The following ST3GAL4 variants were observed in gnomAD, a reference collection of about 807,000 sequenced individuals.
ST3GAL4 encodes CMP-N-acetylneuraminate-beta-galactosamide-alpha-2,3-sialyltransferase 4.
In ST3GAL4, 24 loss-of-function variants were observed where a neutral mutation model predicts 42.6. The observed-to-expected ratio is 0.56, with a 90% CI of 0.41 to 0.79. The LOEUF (loss-of-function observed/expected upper bound fraction) is 0.79. Among genes scored for constraint, ST3GAL4 ranks in the 30% least tolerant of loss-of-function variants. ST3GAL4 has a pLI of 0.00. For synonymous variants in ST3GAL4, 135 were observed against 163.2 expected (o/e 0.83, Z 1.32); for missense variants, 311 against 430.8 (o/e 0.72, Z 2.46).
rs146212978 is a variant in ST3GAL4, at chr11:126,402,091, A to AGGCGG, written c.-60-4005_-60-4004insGGCGG. Among the ~76,000 whole-genome samples the AGGCGG allele has an allele frequency of 1.9e-4, 25 of 131,744 alleles. No individual in the cohort carries two copies. In the East Asian group the frequency reaches 4.7e-3, roughly 25 times the overall value. The allele number at this position is 131,744 out of a possible 152,430, so 86.4% of individuals were successfully genotyped here. ...TGTCTAGGTGGAAGGATTTGGGGGA[A>AGGCGG]AGAGGGGAGGTAGGAGAGTCTAGAC... On this transcript the variant is annotated intron_variant, in intron 1 of 10. Transcript: ENST00000444328.
At chr11:126,369,110 T>C (rs1327107655) in intron 1 of ST3GAL4, among the ~76,000 whole-genome samples, 1 of 152,196 alleles carries the variant, frequency 6.6e-6, no homozygotes, top group African/African-American at 2.4e-5. Flanking sequence ...CAAGTAGGGC[T>C]AGTCAGTGAG....
rs1024990629 is a variant in ST3GAL4 at position 126,355,923 on chromosome 11, C to A, written c.-61+81C>A. 6.7e-5 allele frequency: 10 copies of A among 150,308 alleles called. No homozygotes were observed. Among genetic ancestry groups the A allele is most frequent in the Non-Finnish European group, 1.3e-4 (9 of 67,324 alleles). 9.3% of individuals were successfully genotyped at this position (150,308 alleles called of 1,614,324 possible). ...CGCGGGGTCCTCGGCCGCCTGACCC[C>A]AGCCGGCGCCGCGCCTCCCGGAGGG... On this transcript the variant is annotated intron_variant, in intron 1 of 10. Coordinates refer to ENST00000444328, the MANE Select transcript of ST3GAL4 (RefSeq NM_001254757.2). The surrounding 1 kb of genome is among the most constrained non-coding windows in gnomAD (Gnocchi z 7.1).
At chr11:126,360,188 G>T (rs761659258) in intron 1 of ST3GAL4, among the ~76,000 whole-genome samples, 20 of 152,226 alleles carry the variant, frequency 1.3e-4, no homozygotes, top group Non-Finnish European at 2.8e-4. Flanking sequence ...TGGCAGGAGA[G>T]AATTAGGGGC....
intron 1 of ST3GAL4, among the ~76,000 whole-genome samples, chr11:126,394,072 G>A (rs530967911): frequency 5.6e-4 from 85 of 152,370 alleles, no homozygotes; most frequent in African/African-American, 2.0e-3. Flanking sequence ...TGGTGGGGCT[G>A]GTGCAGTCCA....
intron 1 of ST3GAL4, among the ~76,000 whole-genome samples, chr11:126,405,366 T>A (rs989477959): frequency 2.0e-5 from 3 of 152,200 alleles, no homozygotes; most frequent in African/African-American, 7.2e-5. Flanking sequence ...ACCTTCACCC[T>A]TACTGGAAGC....
In ST3GAL4 at chr11:126,378,757, T is replaced by C. The variant is rs972355693; in HGVS notation, c.-61+22915T>C. Among the ~76,000 whole-genome samples, 5 of 152,240 alleles carry C rather than the reference T, an allele frequency of 3.3e-5. No homozygotes were observed. The highest frequency in any genetic ancestry group is 6.5e-5 in the Admixed American group (1 of 15,280). ...TTATGTACATTATGTAGTGGATCTA[T>C]TGAGGCATACGATTTTCCTGTAGCA... is the stretch of plus-strand genomic sequence containing the variant. On this transcript the variant is annotated intron_variant, in intron 1 of 10. Transcript: ENST00000444328. The surrounding 1 kb of genome is among the most constrained non-coding windows in gnomAD (Gnocchi z 5.3).
intron 1 of ST3GAL4, among the ~76,000 whole-genome samples, chr11:126,395,408 C>T (rs764146519): frequency 3.3e-5 from 5 of 152,118 alleles, no homozygotes; most frequent in Non-Finnish European, 5.9e-5. Flanking sequence ...AGGCCCATGT[C>T]TACAGAAAAG....
Position 126,406,527 on chromosome 11 carries a change from C to T in ST3GAL4, c.71C>T (p.Ser24Phe). Residue 24 changes from serine to phenylalanine, a missense_variant, in exon 3 of 11, where the codon TCC (serine) becomes TTC (phenylalanine). Ser to Phe is a radical substitution (Grantham distance 155). Transcript: ENST00000444328. This position sits in a 1 kb window ranked among gnomAD's most constrained non-coding sequence, Gnocchi z 5.4. ...GTCCTGGTCGTCATGGTGTGGTATTCCATCTCCCGGGAAGACAGGTACATC... is the reference window on the plus strand; with the variant it reads ...GTCCTGGTCGTCATGGTGTGGTATTTCATCTCCCGGGAAGACAGGTACATC... The part of the protein sequence containing the change: ...ALVLVVMVWY[S>F]ISREDRYIEL... 2 of 1,614,182 alleles carry T rather than the reference C, an allele frequency of 1.2e-6. No homozygotes were observed. The highest frequency in any genetic ancestry group is 2.2e-5 in the South Asian group (2 of 91,076).
At position 126,359,904 on chromosome 11, in the gene ST3GAL4, C is replaced by T. The variant is rs553013000; in HGVS notation, c.-61+4062C>T. On this transcript the variant is annotated intron_variant, in intron 1 of 10. Coordinates refer to ENST00000444328, the MANE Select transcript of ST3GAL4 (RefSeq NM_001254757.2). This position sits in a 1 kb window ranked among gnomAD's most constrained non-coding sequence, Gnocchi z 4.8. ...TGGCTGCAAGGCAACCACGGCCACA[C>T]GTGGGGAAGGGGAGGGGCCCTATGG... Among the ~76,000 whole-genome samples, 100 of 152,366 alleles carry T rather than the reference C, an allele frequency of 6.6e-4. 2 individuals are homozygous for T. Among genetic ancestry groups the T allele is most frequent in the African/African-American group, 2.4e-3 (99 of 41,586 alleles).
chr11:126,387,826 A>C (rs1358075044), intron 1 of ST3GAL4, among the ~76,000 whole-genome samples: 3 of 152,202 alleles, frequency 2.0e-5, no homozygotes, highest in Non-Finnish European at 4.4e-5. Flanking sequence ...TCGTGTACAG[A>C]CATATCTGGG....
At chr11:126,405,901 T>C in intron 1 of ST3GAL4, 195 bp from the exon 2 acceptor site, 2 of 675,774 alleles carry the variant, frequency 3.0e-6, no homozygotes, top group Non-Finnish European at 2.5e-6. Context: ...AGGGCTCACC[T>C]GGATCCTTAA....
chr11:126,363,461 A>G lies in ST3GAL4; in HGVS notation c.-61+7619A>G, dbSNP rs1012193232. ...GCCGGGAATGTTCAGGAGAGCCTTC[A>G]TTGGGAGCCCATGGGAGCAGGAGTC... On this transcript the variant is annotated intron_variant, in intron 1 of 10. Coordinates refer to ENST00000444328, the MANE Select transcript of ST3GAL4 (RefSeq NM_001254757.2). The surrounding 1 kb of genome is among the most constrained non-coding windows in gnomAD (Gnocchi z 4.6). 6.6e-5 allele frequency among the ~76,000 whole-genome samples: 10 copies of G among 152,174 alleles called. No homozygotes were observed. The highest frequency in any genetic ancestry group is 1.3e-4 in the Non-Finnish European group (9 of 68,030).
At position 126,383,824 on chromosome 11, in the gene ST3GAL4, GC is replaced by G. The variant is rs1455378289; in HGVS notation, c.-60-22268del. ...GCCTGGGCCCTGGACACCTAGAAGG[GC>G]CCCTCCTCCCCTCGTCTTCCCTCCC... is the stretch of plus-strand genomic sequence containing the variant. On this transcript the variant is annotated intron_variant, in intron 1 of 10. Coordinates refer to ENST00000444328, the MANE Select transcript of ST3GAL4 (RefSeq NM_001254757.2). The surrounding 1 kb of genome is among the most constrained non-coding windows in gnomAD (Gnocchi z 4.5). 1.3e-5 allele frequency among the ~76,000 whole-genome samples: 2 copies of G among 152,118 alleles called. No homozygotes were observed. Among genetic ancestry groups the G allele is most frequent in the Non-Finnish European group, 2.9e-5 (2 of 68,004 alleles).
At chr11:126,390,618 C>CTTTTTTTTTTTTTTTTTTTTTTT (rs58153137) in intron 1 of ST3GAL4, among the ~76,000 whole-genome samples, 13 of 126,682 alleles carry the variant, frequency 1.0e-4, no homozygotes, top group African/African-American at 3.2e-4. Flanking sequence ...GTGTTCTTTG[C>CTTTTTTTTTTTTTTTTTTTTTTT]TTTTTTTTTT....
chr11:126,390,059 T>A (rs1258576939), intron 1 of ST3GAL4, among the ~76,000 whole-genome samples: 1 of 146,350 alleles, frequency 6.8e-6, no homozygotes, highest in Non-Finnish European at 1.5e-5. Context: ...GGGGGGCGCC[T>A]GTAGTCCCAG....
At chr11:126,408,216 T>C in intron 7 of ST3GAL4, 22 bp downstream of exon 7, 1 of 1,613,696 alleles carries the variant, frequency 6.2e-7, no homozygotes, top group Non-Finnish European at 8.5e-7. Context: ...TGTCTCTTCC[T>C]ACTGTTGTTT....
rs904271164 is a variant in ST3GAL4, at chr11:126,406,665, G to A, written c.101+108G>A. The A allele has an allele frequency of 2.8e-5, 42 of 1,507,536 alleles. No individual in the cohort carries two copies. The highest frequency in any genetic ancestry group is 2.2e-4 in the Admixed American group (12 of 54,314). The allele number at this position is 1,507,536 out of a possible 1,614,324, so 93.4% of individuals were successfully genotyped here. Reference sequence around the variant, plus strand: ...GTAGGGCAGGAAGGTTCCAAGAGCCGGCACATGACCTCATCCCTTCAGCTG... The same window carrying A: ...GTAGGGCAGGAAGGTTCCAAGAGCCAGCACATGACCTCATCCCTTCAGCTG... On this transcript the variant is annotated intron_variant, in intron 3 of 10. Coordinates refer to ENST00000444328, the MANE Select transcript of ST3GAL4 (RefSeq NM_001254757.2). The surrounding 1 kb of genome is among the most constrained non-coding windows in gnomAD (Gnocchi z 5.4).
intron 1 of ST3GAL4, among the ~76,000 whole-genome samples, chr11:126,375,999 T>C (rs1952823384): frequency 6.6e-6 from 1 of 152,164 alleles, no homozygotes; most frequent in Non-Finnish European, 1.5e-5. Context: ...TATTATTGTT[T>C]GTCAAATGTG....
intron 1 of ST3GAL4, among the ~76,000 whole-genome samples, chr11:126,370,016 G>A (rs1591425972): frequency 2.0e-5 from 3 of 152,148 alleles, no homozygotes; most frequent in Admixed American, 6.5e-5. Flanking sequence ...ATAGTGTTTC[G>A]TTGTGTGTGC....
Sources: gnomAD v4.1 joint callset for allele counts (sites outside exome capture counted in the v4.1 genomes callset) on GRCh38, gnomAD v4.1.1 for gene constraint, Gnocchi (gnomAD v3.1) non-coding constraint, MANE v1.5 for transcripts, NCBI Gene and HGNC (gene_info 2026-07-23, HGNC 2026-07-21) for gene names.